WDR64: variants seen among roughly 807,000 people sequenced by gnomAD.
WDR64 encodes WD repeat-containing protein 64.
A neutral mutation model predicts 139.3 loss-of-function variants in WDR64; 112 were observed. That is an observed-to-expected ratio of 0.80 (90% confidence interval 0.69 to 0.94). The LOEUF (loss-of-function observed/expected upper bound fraction) is 0.94, where lower values mean the gene tolerates loss of function less well. Among genes scored for constraint, WDR64 ranks in the 40% least tolerant of loss-of-function variants. The pLI is 0.00. For synonymous variants in WDR64, 444 were observed against 437.7 expected, an observed-to-expected ratio of 1.01 and a Z score of -0.18; for missense variants, 1,206 against 1,293.1, an observed-to-expected ratio of 0.93 and a Z score of 1.03.
Position 241,744,474 on chromosome 1 carries a change from G to A in WDR64, c.1552G>A (p.Val518Ile), listed in dbSNP as rs1574062423. The change falls in exon 13 of 28, where the codon GTC (valine) becomes ATC (isoleucine). Residue 518 changes from valine (V) to isoleucine (I), a missense_variant. Physicochemically the swap from Val to Ile is conservative, Grantham distance 29. Coordinates refer to ENST00000437684, the MANE Select transcript of WDR64 (RefSeq NM_001367482.1). ...CAATACTGAAGTGACTTCTGCAGCT[G>A]TCGATGAAAGTGGATTTCTTTTTGC... is the stretch of plus-strand genomic sequence containing the variant. ...GFNTEVTSAA[V>I]DESGFLFATG... 1.2e-6 allele frequency: 2 copies of A among 1,614,156 alleles called. No homozygotes were observed. The highest frequency in any genetic ancestry group is 1.7e-6 in the Non-Finnish European group (2 of 1,180,012).
chr1:241,801,928 A>G lies in WDR64; in HGVS notation c.*713A>G. 2.5e-6 allele frequency: 1 copy of G among 398,108 alleles called. No homozygotes were observed. Among genetic ancestry groups the G allele is most frequent in the Non-Finnish European group, 4.4e-6 (1 of 225,814 alleles). 24.7% of individuals were successfully genotyped at this position (398,108 alleles called of 1,614,324 possible). A position where few individuals can be genotyped will look rare whatever the true frequency, so the allele number is the denominator to read the frequency against. On this transcript the variant is annotated 3_prime_UTR_variant, in exon 28 of 28. Transcript: ENST00000437684. ...GGTTGTCAGAATGGATTAAAAAAAC[A>G]AAATCCAACTATATGTTGTTTACAA...
chr1:241,760,442 G>C (rs1670383016), intron 15 of WDR64, among the ~76,000 whole-genome samples: 1 of 150,692 alleles, frequency 6.6e-6, no homozygotes, highest in Admixed American at 6.6e-5. Context: ...ACTTAGCATT[G>C]CCATGGCAAA....
In WDR64 at chr1:241,692,501, G is replaced by A. The variant is rs553214640; in HGVS notation, c.974+4906G>A. 3.3e-5 allele frequency among the ~76,000 whole-genome samples: 5 copies of A among 152,246 alleles called. No individual in the cohort carries two copies. In the South Asian group the frequency reaches 8.3e-4, roughly 25 times the overall value. ...TATAGTCAACAGATCTTTGACAAAG[G>A]AGCAAAGGGAATACAATGGAGCAAG... On this transcript the variant is annotated intron_variant, in intron 8 of 27. Transcript: ENST00000437684.
intron 10 of WDR64, among the ~76,000 whole-genome samples, chr1:241,738,135 G>A (rs1415291580): frequency 1.3e-5 from 2 of 150,448 alleles, no homozygotes; most frequent in Admixed American, 6.7e-5. Context: ...ATTCCTAAAG[G>A]TATACCTTTA....
intron 16 of WDR64, among the ~76,000 whole-genome samples, chr1:241,769,184 T>G (rs184938843): frequency 3.2e-4 from 48 of 152,228 alleles, no homozygotes; most frequent in Admixed American, 1.3e-3. Context: ...ATTAGACAGG[T>G]TAGTTGAATT....
At chr1:241,751,600 T>C (rs979377096) in intron 14 of WDR64, among the ~76,000 whole-genome samples, 6 of 152,226 alleles carry the variant, frequency 3.9e-5, no homozygotes, top group Non-Finnish European at 7.3e-5. Flanking sequence ...CAAAGTATCA[T>C]GTACTTTTAA....
chr1:241,717,693 A>G (rs890696295), intron 9 of WDR64, among the ~76,000 whole-genome samples: 3 of 152,184 alleles, frequency 2.0e-5, no homozygotes, highest in Non-Finnish European at 4.4e-5. Context: ...CATAATATTT[A>G]TAGTATAAAG....
chr1:241,689,730 C>T (rs570854917), intron 8 of WDR64, among the ~76,000 whole-genome samples: 1 of 152,114 alleles, frequency 6.6e-6, no homozygotes, highest in African/African-American at 2.4e-5. Context: ...AGGCAGCAGA[C>T]AAGAACAGAC....
intron 10 of WDR64, among the ~76,000 whole-genome samples, chr1:241,724,320 G>A (rs1421013746): frequency 2.6e-5 from 4 of 152,168 alleles, no homozygotes; most frequent in African/African-American, 9.6e-5. Flanking sequence ...AACTTTGGAA[G>A]ATATAATTAT....
chr1:241,679,717 G>A, intron 6 of WDR64, 122 bp downstream of exon 6: 1 of 773,792 alleles, frequency 1.3e-6, no homozygotes, highest in Non-Finnish European at 2.1e-6. Context: ...GAGGATTTAA[G>A]TAAGTAATCT....
intron 14 of WDR64, among the ~76,000 whole-genome samples, chr1:241,751,647 ATC>A (rs1669985965): frequency 6.6e-6 from 1 of 152,130 alleles, no homozygotes; most frequent in Non-Finnish European, 1.5e-5. Context: ...TAAATATAAT[ATC>A]TCTCTTATGC....
chr1:241,699,141 C>A (rs1026000175), intron 8 of WDR64, among the ~76,000 whole-genome samples: 7 of 152,264 alleles, frequency 4.6e-5, no homozygotes, highest in African/African-American at 1.7e-4. Flanking sequence ...ATGGGAGCTA[C>A]AATTCAAGAT....
rs760119660 is a variant in WDR64, at chr1:241,757,309, G to T, written c.1797G>T (p.Met599Ile). 1 of 1,613,828 alleles carries T rather than the reference G, an allele frequency of 6.2e-7. No individual in the cohort carries two copies. The highest frequency in any genetic ancestry group is 8.5e-7 in the Non-Finnish European group (1 of 1,179,910). ...GTAAGGAAGATGATATCTACCTCAT[G>T]GTGATCTGGGAGCTGCCTGATGTTG... is the stretch of plus-strand genomic sequence containing the variant. ...IQGKEDDIYLMVIWELPDVVP... is the reference protein window; with the variant it reads ...IQGKEDDIYLIVIWELPDVVP... Residue 599 changes from methionine (M) to isoleucine (I), a missense_variant, in exon 15 of 28, where the codon ATG (methionine) becomes ATT (isoleucine). Physicochemically the swap from Met to Ile is conservative, Grantham distance 10. Transcript: ENST00000437684.
intron 10 of WDR64, among the ~76,000 whole-genome samples, chr1:241,732,935 T>G (rs1382172442): frequency 6.6e-6 from 1 of 152,170 alleles, no homozygotes; most frequent in Non-Finnish European, 1.5e-5. Context: ...GAAATACAGT[T>G]GAATCAAAAC....
chr1:241,696,813 T>G (rs944116276), intron 8 of WDR64, among the ~76,000 whole-genome samples: 1 of 152,174 alleles, frequency 6.6e-6, no homozygotes, highest in Non-Finnish European at 1.5e-5. Flanking sequence ...GCAAGGTCTT[T>G]GGGACCTGTA....
At position 241,771,945 on chromosome 1, in the gene WDR64, CATATATATATATATATAT is replaced by C. The variant is rs57383177; in HGVS notation, c.2290+275_2290+292del. Among the ~76,000 whole-genome samples, 55 of 62,362 alleles carry C rather than the reference CATATATATATATATATAT, an allele frequency of 8.8e-4. 1 individual carries two copies. Among genetic ancestry groups the C allele is most frequent in the Non-Finnish European group, 8.9e-4 (33 of 37,222 alleles). The allele number at this position is 62,362 out of a possible 152,430, so 40.9% of individuals were successfully genotyped here. ...ATACATACATATACATACATACATA[CATATATATATATATATAT>C]ATATATATATATATATATATATATA... On this transcript the variant is annotated intron_variant, in intron 19 of 27. Transcript: ENST00000437684.
chr1:241,782,369 C>A (rs957505810), intron 22 of WDR64, among the ~76,000 whole-genome samples: 2 of 152,202 alleles, frequency 1.3e-5, no homozygotes, highest in African/African-American at 4.8e-5. Context: ...AGAAGGCCAA[C>A]AAATTTAGGC....
Position 241,697,766 on chromosome 1 carries a change from A to G in WDR64, c.974+10171A>G, listed in dbSNP as rs1438755207. Among the ~76,000 whole-genome samples, 5 of 152,032 alleles carry G rather than the reference A, an allele frequency of 3.3e-5. No homozygotes were observed. The East Asian group carries it at 9.6e-4, about 29-fold the overall frequency. On this transcript the variant is annotated intron_variant, in intron 8 of 27. Coordinates refer to ENST00000437684, the MANE Select transcript of WDR64 (RefSeq NM_001367482.1). ...TTCCTTGATGTTATTCATTCCCTCC[A>G]TAATTCTCTCTAATGTAGCTTCTTC...
intron 22 of WDR64, among the ~76,000 whole-genome samples, chr1:241,782,302 A>T (rs1266805443): frequency 6.6e-6 from 1 of 152,190 alleles, no homozygotes; most frequent in African/African-American, 2.4e-5. Flanking sequence ...AAGAAAAAAG[A>T]ACTAGGAGTC....
Sources: gnomAD v4.1 joint callset for allele counts (sites outside exome capture counted in the v4.1 genomes callset) on GRCh38, gnomAD v4.1.1 for gene constraint, MANE v1.5 for transcripts, NCBI Gene and HGNC (gene_info 2026-07-23, HGNC 2026-07-21) for gene names.